SFMBT2: variants seen among roughly 807,000 people sequenced by gnomAD.
SFMBT2 encodes the protein scm-like with four MBT domains protein 2.
SFMBT2 carries 38 observed loss-of-function variants against 110.1 expected under a neutral mutation model. The ratio of observed to expected loss-of-function variants is 0.35; its 90% confidence interval spans 0.27 to 0.45. The LOEUF (loss-of-function observed/expected upper bound fraction) is 0.45. SFMBT2 is among the 20% of genes least tolerant of loss of function. The probability of loss-of-function intolerance (pLI) is 1.00; values close to 1 mark genes in which losing one functional copy is unlikely to be tolerated. For missense variants in SFMBT2, 1,011 were observed against 1,094.9 expected, an observed-to-expected ratio of 0.92 and a Z score of 1.08; for synonymous variants, 425 against 425.4, an observed-to-expected ratio of 1.00 and a Z score of 0.01.
chr10:7,335,400 G>C (rs1220002229), intron 4 of SFMBT2, among the ~76,000 whole-genome samples: 1 of 152,064 alleles, frequency 6.6e-6, no homozygotes, highest in Non-Finnish European at 1.5e-5. Context: ...TGCAGACGCA[G>C]CTCACCGGTA....
At chr10:7,166,050 C>T (rs1837686391) in intron 20 of SFMBT2, among the ~76,000 whole-genome samples, 1 of 152,176 alleles carries the variant, frequency 6.6e-6, no homozygotes, top group Non-Finnish European at 1.5e-5. Flanking sequence ...CATAAAAACA[C>T]ATTTTAAGTA....
At chr10:7,375,559 G>T (rs1458730869) in intron 2 of SFMBT2, among the ~76,000 whole-genome samples, 1 of 152,022 alleles carries the variant, frequency 6.6e-6, no homozygotes, top group African/African-American at 2.4e-5. Context: ...TTAGAAATTA[G>T]TTCCACCATG....
At chr10:7,313,162 A>G (rs1171707502) in intron 4 of SFMBT2, among the ~76,000 whole-genome samples, 2 of 150,196 alleles carry the variant, frequency 1.3e-5, no homozygotes, top group African/African-American at 4.9e-5. Flanking sequence ...AGAGAATAAT[A>G]CAATTGTTAT....
intron 4 of SFMBT2, among the ~76,000 whole-genome samples, chr10:7,355,269 TA>T (rs1448902124): frequency 6.6e-6 from 1 of 152,132 alleles, no homozygotes; most frequent in Non-Finnish European, 1.5e-5. Context: ...AAATGCAAAT[TA>T]AAATTAGTGA....
At chr10:7,213,560 G>A (rs1486765279) in intron 11 of SFMBT2, among the ~76,000 whole-genome samples, 4 of 152,210 alleles carry the variant, frequency 2.6e-5, no homozygotes, top group Admixed American at 2.6e-4. Context: ...TCATTCGTCA[G>A]CCAGGACGTT....
chr10:7,344,444 C>G (rs1376155057), intron 4 of SFMBT2, among the ~76,000 whole-genome samples: 1 of 152,158 alleles, frequency 6.6e-6, no homozygotes, highest in African/African-American at 2.4e-5. Context: ...TGCCTGCCAC[C>G]ATGTAAGACG....
chr10:7,228,057 A>G, intron 9 of SFMBT2, 120 bp from the exon 10 acceptor site: 1 of 648,172 alleles, frequency 1.5e-6, no homozygotes, highest in Non-Finnish European at 2.6e-6. Flanking sequence ...GATGCCTAAC[A>G]GCACTTCAGA....
intron 4 of SFMBT2, among the ~76,000 whole-genome samples, chr10:7,311,045 C>CAAAAAAAAAAAAAAAAAACAAAAAAAA (rs1842841674): frequency 1.0e-5 from 1 of 96,940 alleles, no homozygotes; most frequent in Non-Finnish European, 2.0e-5. Context: ...AACTCCATCT[C>CAAAAAAAAAAAAAAAAAACAAAAAAAA]AAAAAAAAAA....
rs1038740696 is a variant in SFMBT2, at chr10:7,284,134, C to A, written c.542G>T (p.Gly181Val). The change falls in exon 6 of 21, where the codon GGC becomes GTC. Residue 181 changes from glycine to valine, a missense_variant. Physicochemically the swap from Gly to Val is moderately radical, Grantham distance 109 (BLOSUM62 -3). Transcript: ENST00000397167. ...ACCAACTGTAATGAGGTCTATAGGG[C>A]CTTTCCCTCGCAGAGGCTGTTTAAA... is the stretch of plus-strand genomic sequence containing the variant. Reference protein sequence around the residue: ...NLLEGPLRGKGPIDLITVGSL... With the variant: ...NLLEGPLRGKVPIDLITVGSL... 1.2e-6 allele frequency: 2 copies of A among 1,613,876 alleles called. No individual in the cohort carries two copies. Among genetic ancestry groups the A allele is most frequent in the East Asian group, 2.2e-5 (1 of 44,890 alleles).
At chr10:7,309,225 C>T (rs1842781066) in intron 4 of SFMBT2, among the ~76,000 whole-genome samples, 1 of 152,206 alleles carries the variant, frequency 6.6e-6, no homozygotes, top group Non-Finnish European at 1.5e-5. Context: ...GAAGGGGGAC[C>T]TTCTCCTGCC....
intron 1 of SFMBT2, among the ~76,000 whole-genome samples, chr10:7,388,651 T>C (rs1191697351): frequency 2.6e-5 from 4 of 151,012 alleles, no homozygotes; most frequent in African/African-American, 7.3e-5. Flanking sequence ...GCTAGGATTA[T>C]AGACATGAGC....
intron 7 of SFMBT2, among the ~76,000 whole-genome samples, chr10:7,273,545 A>G (rs1841672669): frequency 1.3e-5 from 2 of 152,194 alleles, no homozygotes; most frequent in Admixed American, 1.3e-4. Context: ...ACATATGTAT[A>G]CATGTGCCAT....
At chr10:7,178,916 A>G (rs2131549026) in intron 16 of SFMBT2, among the ~76,000 whole-genome samples, 1 of 152,346 alleles carries the variant, frequency 6.6e-6, no homozygotes, top group East Asian at 1.9e-4. Flanking sequence ...CTGGCAACAG[A>G]TCATAGGTTT....
intron 4 of SFMBT2, among the ~76,000 whole-genome samples, chr10:7,314,986 GAAAGAAAGAAAGA>G (rs906658679): frequency 2.1e-5 from 3 of 142,414 alleles, no homozygotes; most frequent in Non-Finnish European, 3.1e-5. Flanking sequence ...GGGAGAAAGA[GAAAGAAAGAAAGA>G]AAAGAAAGAA....
At chr10:7,185,216 A>C (rs144928384) in intron 16 of SFMBT2, among the ~76,000 whole-genome samples, 29 of 152,354 alleles carry the variant, frequency 1.9e-4, no homozygotes, top group Non-Finnish European at 2.8e-4. Context: ...ACAGAAATGC[A>C]GTCTTCCCTT....
intron 4 of SFMBT2, among the ~76,000 whole-genome samples, chr10:7,356,993 A>G (rs1401238018): frequency 6.6e-6 from 1 of 152,228 alleles, no homozygotes; most frequent in Admixed American, 6.5e-5. Context: ...ATACTTTCAC[A>G]GCATTAAAGA....
Position 7,301,820 on chromosome 10 carries a change from C to CGT in SFMBT2, c.437-15868_437-15867dup, listed in dbSNP as rs1161123531. Among the ~76,000 whole-genome samples the CGT allele has an allele frequency of 1.3e-5, 2 of 151,940 alleles. No individual in the cohort carries two copies. Among genetic ancestry groups the CGT allele is most frequent in the African/African-American group, 4.8e-5 (2 of 41,352 alleles). ...GCTGAAAGAAAAGGGAGGAGAACTG[C>CGT]GTGGCTCTAGACTATCGAAGGGGAA... is the stretch of plus-strand genomic sequence containing the variant. On this transcript the variant is annotated intron_variant, in intron 4 of 20. Coordinates refer to ENST00000397167, the MANE Select transcript of SFMBT2 (RefSeq NM_001387889.1). The surrounding 1 kb of genome is among the most constrained non-coding windows in gnomAD (Gnocchi z 4.2).
At chr10:7,352,734 G>A (rs1030111892) in intron 4 of SFMBT2, among the ~76,000 whole-genome samples, 9 of 152,122 alleles carry the variant, frequency 5.9e-5, no homozygotes, top group African/African-American at 1.4e-4. Flanking sequence ...CACTGGGGCC[G>A]GGCGTGGTGG....
chr10:7,165,031 C>CA (rs1293481415), intron 20 of SFMBT2, among the ~76,000 whole-genome samples: 10 of 152,286 alleles, frequency 6.6e-5, no homozygotes, highest in African/African-American at 2.2e-4. Context: ...TAATCTGGTT[C>CA]ATTCACATAG....
Sources: allele counts gnomAD v4.1 joint callset (sites outside exome capture counted in the v4.1 genomes callset), GRCh38; gene constraint gnomAD v4.1.1; non-coding constraint Gnocchi (gnomAD v3.1); transcripts MANE v1.5; gene names NCBI Gene and HGNC (gene_info 2026-07-23, HGNC 2026-07-21).